MALRD1: variants seen among roughly 807,000 people sequenced by gnomAD.
MALRD1 encodes MAM and LDL-receptor class A domain-containing protein 1.
A neutral mutation model predicts 242.1 loss-of-function variants in MALRD1; 247 were observed. The observed-to-expected ratio is 1.02, with a 90% CI of 0.92 to 1.13. The LOEUF (loss-of-function observed/expected upper bound fraction) is 1.13. Ranked by LOEUF, MALRD1 falls within the 50% of genes most tolerant of loss-of-function variation. The probability of loss-of-function intolerance (pLI) is 0.00; values close to 1 mark genes in which losing one functional copy is unlikely to be tolerated. For missense variants in MALRD1, 2,989 were observed against 2,533.1 expected, an observed-to-expected ratio of 1.18 and a Z score of -3.86; for synonymous variants, 995 against 866.6, an observed-to-expected ratio of 1.15 and a Z score of -2.60.
intron 12 of MALRD1, among the ~76,000 whole-genome samples, chr10:19,158,732 T>G (rs1455819345): frequency 6.6e-6 from 1 of 152,112 alleles, no homozygotes; most frequent in East Asian, 1.9e-4. Flanking sequence ...TAACAAAATG[T>G]TGTTTAGTGG....
intron 14 of MALRD1, among the ~76,000 whole-genome samples, chr10:19,189,514 A>T (rs1042252692): frequency 2.0e-5 from 3 of 152,012 alleles, no homozygotes; most frequent in African/African-American, 7.2e-5. Context: ...TGCAAAAAAA[A>T]CTATGAACCT....
At chr10:19,670,422 CA>C in intron 36 of MALRD1, among the ~76,000 whole-genome samples, 1 of 152,142 alleles carries the variant, frequency 6.6e-6, no homozygotes. Context: ...CTTCTCTTCC[CA>C]AGAATTTTCT....
intron 21 of MALRD1, among the ~76,000 whole-genome samples, chr10:19,299,317 A>G (rs1189163413): frequency 2.0e-5 from 3 of 151,958 alleles, no homozygotes; most frequent in Admixed American, 2.0e-4. Context: ...TATCAAATAC[A>G]AAGTAAAGGG....
intron 28 of MALRD1, among the ~76,000 whole-genome samples, chr10:19,443,989 C>T (rs1433003881): frequency 1.3e-5 from 2 of 152,130 alleles, no homozygotes; most frequent in Admixed American, 6.6e-5. Context: ...AATCTGGGTG[C>T]TCCTGTATTG....
At chr10:19,445,428 CT>C (rs1834917973) in intron 28 of MALRD1, among the ~76,000 whole-genome samples, 1 of 152,170 alleles carries the variant, frequency 6.6e-6, no homozygotes, top group Non-Finnish European at 1.5e-5. Context: ...GCTCTGGTTT[CT>C]CCCCATCTTT....
At chr10:19,240,661 G>C (rs940153774) in intron 18 of MALRD1, among the ~76,000 whole-genome samples, 3 of 151,962 alleles carry the variant, frequency 2.0e-5, no homozygotes, top group Admixed American at 6.6e-5. Flanking sequence ...TAGAGGAAAA[G>C]CATTTAACTA....
chr10:19,297,022 G>A (rs530863838), intron 21 of MALRD1, among the ~76,000 whole-genome samples: 1 of 151,100 alleles, frequency 6.6e-6, no homozygotes, highest in Non-Finnish European at 1.5e-5. Context: ...AATGCCTTTT[G>A]TGATCTACTT....
chr10:19,351,076 T>G (rs537485620), intron 25 of MALRD1, among the ~76,000 whole-genome samples: 51 of 152,344 alleles, frequency 3.3e-4, no homozygotes, highest in African/African-American at 1.2e-3. Context: ...TGGTTGATCC[T>G]TTTTGAATTA....
intron 29 of MALRD1, among the ~76,000 whole-genome samples, chr10:19,460,496 T>C (rs1835887700): frequency 6.6e-6 from 1 of 151,964 alleles, no homozygotes; most frequent in Non-Finnish European, 1.5e-5. Flanking sequence ...AAAAACCTCA[T>C]GTTTTGAATA....
chr10:19,125,194 C>T (rs1305027888), intron 7 of MALRD1, among the ~76,000 whole-genome samples: 1 of 151,960 alleles, frequency 6.6e-6, no homozygotes, highest in Non-Finnish European at 1.5e-5. Context: ...GATCCACCCA[C>T]CTTAGCCTCC....
intron 19 of MALRD1, among the ~76,000 whole-genome samples, chr10:19,270,956 GA>G (rs775224579): frequency 1.3e-5 from 2 of 152,016 alleles, no homozygotes; most frequent in African/African-American, 2.4e-5. Context: ...GGGATGTGAT[GA>G]AAAATGGGAA....
At chr10:19,106,085 A>G (rs898082469) in intron 5 of MALRD1, among the ~76,000 whole-genome samples, 5 of 151,768 alleles carry the variant, frequency 3.3e-5, no homozygotes, top group African/African-American at 4.8e-5. Context: ...AATATTTTAC[A>G]TATTTATGGG....
chr10:19,508,687 T>C (rs974498873), intron 31 of MALRD1, among the ~76,000 whole-genome samples: 1 of 152,186 alleles, frequency 6.6e-6, no homozygotes, highest in African/African-American at 2.4e-5. Context: ...ATGTTGAAAT[T>C]ATAACATTTT....
intron 12 of MALRD1, among the ~76,000 whole-genome samples, chr10:19,157,290 T>C (rs1259868099): frequency 1.4e-5 from 2 of 142,888 alleles, no homozygotes; most frequent in East Asian, 4.1e-4. Flanking sequence ...TTTTTTTTCC[T>C]GAGACAGAAT....
intron 31 of MALRD1, among the ~76,000 whole-genome samples, chr10:19,499,463 C>A (rs946556946): frequency 1.8e-4 from 26 of 144,838 alleles, no homozygotes; most frequent in East Asian, 1.0e-3. Flanking sequence ...AAAAAAAAAA[C>A]CAGCCTATGC....
chr10:19,134,754 G>A (rs940283156), intron 9 of MALRD1, among the ~76,000 whole-genome samples: 2 of 152,074 alleles, frequency 1.3e-5, no homozygotes, highest in African/African-American at 4.8e-5. Context: ...ATAAACTGAA[G>A]ATTAAATTTT....
chr10:19,302,023 G>C (rs117796611), intron 21 of MALRD1, among the ~76,000 whole-genome samples: 2,513 of 151,910 alleles, frequency 0.017, 28 homozygotes, highest in African/African-American at 0.026. Flanking sequence ...CTAAACATCA[G>C]TAGTCAATAG....
chr10:19,239,573 AC>A (rs1374879100), intron 18 of MALRD1, among the ~76,000 whole-genome samples: 7 of 151,986 alleles, frequency 4.6e-5, no homozygotes, highest in Non-Finnish European at 7.4e-5. Flanking sequence ...TTCTTTTACA[AC>A]CCAAAGTTAT....
chr10:19,180,313 C>T (rs1324362833), intron 14 of MALRD1, among the ~76,000 whole-genome samples: 2 of 152,308 alleles, frequency 1.3e-5, no homozygotes, highest in African/African-American at 4.8e-5. Flanking sequence ...CCACAAAAAA[C>T]TTTATGAGCA....
Sources: gnomAD v4.1 joint callset for allele counts (sites outside exome capture counted in the v4.1 genomes callset) on GRCh38, gnomAD v4.1.1 for gene constraint, MANE v1.5 for transcripts, NCBI Gene and HGNC (gene_info 2026-07-23, HGNC 2026-07-21) for gene names.